The following TLE4 variants were observed in gnomAD, a reference collection of about 807,000 sequenced individuals.
TLE4 encodes the protein transducin-like enhancer protein 4.
In TLE4, 8 loss-of-function variants were observed where a neutral mutation model predicts 92.8. The ratio of observed to expected loss-of-function variants is 0.09; its 90% CI spans 0.05 to 0.16. The LOEUF is 0.16. Ranked by LOEUF, TLE4 falls within the 10% of genes least tolerant of loss-of-function variation. The pLI, the probability that TLE4 is intolerant of heterozygous loss-of-function variation, is 1.00. For synonymous variants in TLE4, 371 were observed against 374.1 expected, an observed-to-expected ratio of 0.99 and a Z score of 0.10; for missense variants, 675 against 997.6, an observed-to-expected ratio of 0.68 and a Z score of 4.36.
At chr9:79,713,323 C>A (rs73652241) in intron 14 of TLE4, among the ~76,000 whole-genome samples, 7,369 of 152,246 alleles carry the variant, frequency 0.048, 431 homozygotes, top group African/African-American at 0.14. Context: ...TTTAAAAAAG[C>A]AAATTGCATG....
chr9:79,707,728 T>A (rs2072073163), intron 11 of TLE4, among the ~76,000 whole-genome samples: 1 of 152,202 alleles, frequency 6.6e-6, no homozygotes, highest in Admixed American at 6.5e-5. Context: ...ATGTGTTTTC[T>A]AATGTGACCT....
intron 1 of TLE4, chr9:79,573,133 C>A: frequency 1.5e-6 from 1 of 677,408 alleles, no homozygotes; most frequent in Non-Finnish European, 2.0e-6. Flanking sequence ...GGGGGGGTGG[C>A]GAGCGATGAA....
chr9:79,601,353 T>C, intron 4 of TLE4: 1 of 456,554 alleles, frequency 2.2e-6, no homozygotes, highest in South Asian at 1.5e-5. Flanking sequence ...GTTGATATAT[T>C]AATGTGCTTT....
intron 5 of TLE4, among the ~76,000 whole-genome samples, chr9:79,619,644 A>G (rs975377415): frequency 6.6e-6 from 1 of 152,188 alleles, no homozygotes; most frequent in Non-Finnish European, 1.5e-5. Context: ...ATCTTCAGAA[A>G]GTGCTTGTGT....
At chr9:79,604,134 A>C (rs2046307574) in intron 4 of TLE4, among the ~76,000 whole-genome samples, 1 of 152,148 alleles carries the variant, frequency 6.6e-6, no homozygotes. Flanking sequence ...CGAGTAATTG[A>C]GGATGGTAAG....
intron 6 of TLE4, among the ~76,000 whole-genome samples, chr9:79,644,448 C>T (rs552906711): frequency 6.6e-6 from 1 of 152,252 alleles, no homozygotes; most frequent in East Asian, 1.9e-4. Flanking sequence ...CTTCCAGCAA[C>T]CTTGGGAGGT....
chr9:79,706,775 C>G lies in TLE4; in HGVS notation c.812C>G (p.Ala271Gly), dbSNP rs1166302744. The G allele has an allele frequency of 2.5e-6, 4 of 1,613,960 alleles. No individual in the cohort carries two copies. The highest frequency in any genetic ancestry group is 3.4e-6 in the Non-Finnish European group (4 of 1,179,986). The change falls in exon 11 of 20, where the codon GCA (alanine) becomes GGA (glycine). Residue 271 changes from alanine (A) to glycine (G), a missense_variant. Around this residue, in one of 5 missense-constraint regions of TLE4, gnomAD observed 280 missense variants for 287.3 expected, o/e 0.97. Transcript: ENST00000376552. ...EDPSSPRGSP[A>G]HSPRENGLDK... Reference sequence around the variant, plus strand: ...CCATCTTCCCCTCGAGGGAGCCCAGCACATTCCCCCAGAGAGAATGGCCTA... The same window carrying G: ...CCATCTTCCCCTCGAGGGAGCCCAGGACATTCCCCCAGAGAGAATGGCCTA...
At chr9:79,659,600 T>A (rs1225534817) in intron 8 of TLE4, among the ~76,000 whole-genome samples, 4 of 152,092 alleles carry the variant, frequency 2.6e-5, no homozygotes, top group Non-Finnish European at 5.9e-5. Context: ...ATTAAAAAAA[T>A]TTTTGTTTTT....
At chr9:79,707,191 G>A (rs769875068) in intron 11 of TLE4, 1 of 1,612,908 alleles carries the variant, frequency 6.2e-7, no homozygotes. Context: ...TGGGGTTACA[G>A]AGATGGTTTT....
At chr9:79,612,911 G>A (rs936715033) in intron 5 of TLE4, among the ~76,000 whole-genome samples, 193 bp downstream of exon 5, 15 of 152,108 alleles carry the variant, frequency 9.9e-5, no homozygotes, top group Admixed American at 8.5e-4. Context: ...ATTTATATGT[G>A]TTTACATAAT....
intron 4 of TLE4, among the ~76,000 whole-genome samples, chr9:79,596,658 G>A (rs1402371576): frequency 3.9e-5 from 6 of 152,152 alleles, no homozygotes; most frequent in East Asian, 3.8e-4. Context: ...AGCTTGAATC[G>A]ATACCTAACA....
At chr9:79,595,754 A>G (rs1276142840) in intron 4 of TLE4, among the ~76,000 whole-genome samples, 2 of 152,166 alleles carry the variant, frequency 1.3e-5, no homozygotes, top group East Asian at 3.9e-4. Context: ...GAAGCACTGC[A>G]GTTTGTGCTT....
chr9:79,708,594 C>G lies in TLE4; in HGVS notation c.1071C>G (p.Ala357=). 1.2e-6 allele frequency: 2 copies of G among 1,609,480 alleles called. No homozygotes were observed. The highest frequency in any genetic ancestry group is 1.7e-6 in the Non-Finnish European group (2 of 1,177,514). ...TCTTCCATCCATTTTGGTTTGCAGC[C>G]TCAAGCCTAAGGACCCCAATGGCAG... The part of the protein sequence containing the change: ...PGKPPGVDPL[A]SSLRTPMAVP... Residue 357 remains alanine, a splice_region_variant and synonymous_variant, in exon 13 of 20, where the codon GCC becomes GCG. Coordinates refer to ENST00000376552, the MANE Select transcript of TLE4 (RefSeq NM_007005.6).
intron 8 of TLE4, among the ~76,000 whole-genome samples, chr9:79,654,794 A>G (rs1017529069): frequency 1.3e-5 from 2 of 152,220 alleles, no homozygotes; most frequent in Non-Finnish European, 2.9e-5. Flanking sequence ...CCATGGCAGG[A>G]AATGAGTAAG....
At position 79,586,708 on chromosome 9, in the gene TLE4, GC is replaced by G. The variant is rs140914492; in HGVS notation, c.252+10533del. On this transcript the variant is annotated intron_variant, in intron 4 of 19. Transcript: ENST00000376552. The stretch of plus-strand genomic sequence containing the variant: ...AAGAAGGGAGAAATGTTTAATCTTG[GC>G]CTTTTGGAGTTTATAAATCAAAGAC... Among the ~76,000 whole-genome samples the G allele has an allele frequency of 3.3e-3, 503 of 152,264 alleles. 3 individuals are homozygous for G. The highest frequency in any genetic ancestry group is 0.011 in the African/African-American group (465 of 41,538).
At chr9:79,707,153 C>G (rs778654055) in intron 11 of TLE4, 4 of 1,612,822 alleles carry the variant, frequency 2.5e-6, no homozygotes, top group Non-Finnish European at 3.4e-6. Context: ...GAGTGAAACA[C>G]GTCTTAGCGA....
At chr9:79,639,637 T>C (rs1661217074) in intron 6 of TLE4, among the ~76,000 whole-genome samples, 1 of 152,174 alleles carries the variant, frequency 6.6e-6, no homozygotes, top group Admixed American at 6.5e-5. Context: ...TCTTTTATAC[T>C]GTATTTTTAC....
chr9:79,696,379 A>AT (rs1293590635), intron 8 of TLE4, among the ~76,000 whole-genome samples: 2 of 152,202 alleles, frequency 1.3e-5, no homozygotes, highest in Non-Finnish European at 2.9e-5. Flanking sequence ...CCTTAAGACC[A>AT]ATCAGTTAAG....
intron 4 of TLE4, among the ~76,000 whole-genome samples, chr9:79,610,753 T>A (rs1398822883): frequency 6.6e-6 from 1 of 152,062 alleles, no homozygotes; most frequent in African/African-American, 2.4e-5. Context: ...AATGTAGAAT[T>A]TTTTTAAAAA....
Sources: allele counts gnomAD v4.1 joint callset (sites outside exome capture counted in the v4.1 genomes callset), GRCh38; gene constraint gnomAD v4.1.1; regional missense constraint gnomAD v4.1.1; transcripts MANE v1.5; gene names NCBI Gene and HGNC (gene_info 2026-07-23, HGNC 2026-07-21).